Variants in PLD5 observed in about 807,000 individuals in gnomAD.
PLD5 encodes the protein phospholipase D family member 5.
Under a neutral mutation model 61.1 loss-of-function variants are expected in PLD5, and 36 were observed. The ratio of observed to expected loss-of-function variants is 0.59; its 90% CI spans 0.45 to 0.78. PLD5 has a LOEUF of 0.78. Among genes scored for constraint, PLD5 ranks in the 30% least tolerant of loss-of-function variants. PLD5 has a pLI of 0.00. For missense variants in PLD5, 515 were observed against 644.4 expected, an observed-to-expected ratio of 0.80 and a Z score of 2.17; for synonymous variants, 243 against 242.8, an observed-to-expected ratio of 1.00 and a Z score of -0.01.
Position 242,177,670 on chromosome 1 carries a change from C to G in PLD5, c.735+42318G>C, listed in dbSNP as rs1182365735. The G allele has an allele frequency of 5.3e-5, 8 of 152,148 alleles. No individual in the cohort carries two copies. The East Asian group carries it at 1.5e-3, about 29-fold the overall frequency. 9.4% of individuals were successfully genotyped at this position (152,148 alleles called of 1,614,324 possible). Reference sequence around the variant, plus strand: ...TGTTTTTTGCTTTTCAGACTGGCAACTCTTGAGAATCTCATAATTTTCCAT... The same window carrying G: ...TGTTTTTTGCTTTTCAGACTGGCAAGTCTTGAGAATCTCATAATTTTCCAT... On this transcript the variant is annotated intron_variant, in intron 5 of 9. Transcript: ENST00000536534.
chr1:242,207,882 A>ATATT lies in PLD5; in HGVS notation c.735+12102_735+12105dup, dbSNP rs1669493307. 5.0e-5 allele frequency among the ~76,000 whole-genome samples: 2 copies of ATATT among 39,964 alleles called. 1 individual carries two copies. Among genetic ancestry groups the ATATT allele is most frequent in the African/African-American group, 2.0e-4 (2 of 10,058 alleles). 26.2% of individuals were successfully genotyped at this position (39,964 alleles called of 152,430 possible). ...TATTTATATATTTATATATATTTAT[A>ATATT]TATTTATATATATTTATATATTTAT... is the stretch of plus-strand genomic sequence containing the variant. On this transcript the variant is annotated intron_variant, in intron 5 of 9. Coordinates refer to ENST00000536534, the MANE Select transcript of PLD5 (RefSeq NM_001372062.1).
At chr1:242,350,434 TACACACACACACACACACACACACAC>T (rs57955584) in intron 1 of PLD5, among the ~76,000 whole-genome samples, 2 of 145,306 alleles carry the variant, frequency 1.4e-5, no homozygotes, top group Non-Finnish European at 3.0e-5. Context: ...TATACACACG[TACACACACACACACACACACACACAC>T]ACACACACAC....
intron 1 of PLD5, among the ~76,000 whole-genome samples, chr1:242,397,787 T>C (rs562991126): frequency 1.3e-4 from 20 of 150,844 alleles, no homozygotes; most frequent in African/African-American, 2.2e-4. Flanking sequence ...TCTTCTTCTT[T>C]TTTTTTTTTT....
chr1:242,100,667 C>A lies in PLD5; in HGVS notation c.1354+1G>T. 2 of 1,612,174 alleles carry A rather than the reference C, an allele frequency of 1.2e-6. No individual in the cohort carries two copies. On this transcript the variant is annotated splice_donor_variant, in intron 9 of 9. Coordinates refer to ENST00000536534, the MANE Select transcript of PLD5 (RefSeq NM_001372062.1). LOFTEE classifies it high-confidence loss of function. ...AGGAGCTTCACAGCCCTGACACCTA[C>A]CAATATAAGCTGCTCCATCTGTCAC...
chr1:242,354,429 C>A (rs2580251), intron 1 of PLD5, among the ~76,000 whole-genome samples: 4 of 152,136 alleles, frequency 2.6e-5, no homozygotes, highest in African/African-American at 9.7e-5. Flanking sequence ...ATAAGTCAGC[C>A]GTGCTCTTCA....
chr1:242,162,233 C>A (rs139926689), intron 5 of PLD5, among the ~76,000 whole-genome samples: 44 of 152,176 alleles, frequency 2.9e-4, no homozygotes, highest in African/African-American at 1.1e-3. Flanking sequence ...GAAGCAGGAA[C>A]CTTTGTTGTT....
chr1:242,306,643 C>G (rs1676365966), intron 2 of PLD5, among the ~76,000 whole-genome samples: 3 of 152,018 alleles, frequency 2.0e-5, no homozygotes, highest in Admixed American at 2.0e-4. Context: ...GCCATTTATC[C>G]AGAAATGAAC....
At chr1:242,171,612 T>A (rs1201730775) in intron 5 of PLD5, among the ~76,000 whole-genome samples, 1 of 149,540 alleles carries the variant, frequency 6.7e-6, no homozygotes, top group East Asian at 2.0e-4. Flanking sequence ...GGACAAAGAG[T>A]CAAGACCCAT....
intron 1 of PLD5, among the ~76,000 whole-genome samples, chr1:242,411,981 A>G (rs888626203): frequency 6.6e-6 from 1 of 152,170 alleles, no homozygotes; most frequent in Non-Finnish European, 1.5e-5. Context: ...ACCAATGGGT[A>G]CATACTGTGA....
chr1:242,172,534 G>A (rs546839317), intron 5 of PLD5, among the ~76,000 whole-genome samples: 25 of 152,266 alleles, frequency 1.6e-4, no homozygotes, highest in Non-Finnish European at 3.7e-4. Context: ...GATCAGAGTA[G>A]AAGTGAAGGC....
chr1:242,471,427 C>T (rs1337001586), intron 1 of PLD5, among the ~76,000 whole-genome samples: 1 of 152,142 alleles, frequency 6.6e-6, no homozygotes, highest in Non-Finnish European at 1.5e-5. Flanking sequence ...GTCTTGGAAG[C>T]CCATAACTGA....
intron 1 of PLD5, among the ~76,000 whole-genome samples, chr1:242,497,006 A>C (rs1668392339): frequency 6.6e-6 from 1 of 152,196 alleles, no homozygotes; most frequent in Non-Finnish European, 1.5e-5. Flanking sequence ...GAAGAGAAAC[A>C]CACACTCCAG....
At chr1:242,325,943 A>G (rs1198831464) in intron 2 of PLD5, among the ~76,000 whole-genome samples, 1 of 152,186 alleles carries the variant, frequency 6.6e-6, no homozygotes, top group African/African-American at 2.4e-5. Context: ...CCTGTAGTGC[A>G]GTGGTGCCAT....
At chr1:242,289,130 T>TAAGAAAAGGATAAA (rs1675203099) in intron 2 of PLD5, among the ~76,000 whole-genome samples, 1 of 152,224 alleles carries the variant, frequency 6.6e-6, no homozygotes, top group Non-Finnish European at 1.5e-5. Flanking sequence ...AAAATTATAG[T>TAAGAAAAGGATAAA]ATTAATCAAG....
At chr1:242,314,065 G>A (rs1676865105) in intron 2 of PLD5, among the ~76,000 whole-genome samples, 1 of 152,108 alleles carries the variant, frequency 6.6e-6, no homozygotes, top group African/African-American at 2.4e-5. Context: ...TTAGTCTCGT[G>A]GTCAAGGTTA....
At chr1:242,249,753 A>G (rs575848359) in intron 4 of PLD5, among the ~76,000 whole-genome samples, 170 of 152,320 alleles carry the variant, frequency 1.1e-3, no homozygotes, top group African/African-American at 2.7e-3. Flanking sequence ...AAATGTTCTT[A>G]TTTCTGATCT....
chr1:242,132,975 G>A (rs1663409274), intron 5 of PLD5, among the ~76,000 whole-genome samples: 1 of 151,938 alleles, frequency 6.6e-6, no homozygotes, highest in Non-Finnish European at 1.5e-5. Context: ...AGTAACAAAA[G>A]GATCAGAGGC....
At chr1:242,396,236 A>G (rs1663565865) in intron 1 of PLD5, among the ~76,000 whole-genome samples, 1 of 152,160 alleles carries the variant, frequency 6.6e-6, no homozygotes, top group Non-Finnish European at 1.5e-5. Flanking sequence ...TCTGGGGACT[A>G]TCCTGTGCAT....
At chr1:242,100,223 A>C (rs1660578189) in intron 9 of PLD5, among the ~76,000 whole-genome samples, 1 of 152,198 alleles carries the variant, frequency 6.6e-6, no homozygotes, top group Non-Finnish European at 1.5e-5. Context: ...TTTGGAAGAT[A>C]GCAGGGATGG....
Sources: allele counts gnomAD v4.1 joint callset (sites outside exome capture counted in the v4.1 genomes callset), GRCh38; gene constraint gnomAD v4.1.1; transcripts MANE v1.5; gene names NCBI Gene and HGNC (gene_info 2026-07-23, HGNC 2026-07-21).